DNAJC5B: variants seen among roughly 807,000 people sequenced by gnomAD.
DNAJC5B encodes DnaJ heat shock protein family (Hsp40) member C5 beta, also known as dnaJ homolog subfamily C member 5B.
In DNAJC5B, 23 loss-of-function variants were observed where a neutral mutation model predicts 24.7. The observed-to-expected ratio is 0.93, with a 90% CI of 0.67 to 1.32. DNAJC5B has a LOEUF of 1.32. Among genes scored for constraint, DNAJC5B ranks in the 40% most tolerant of loss-of-function variants. The probability of loss-of-function intolerance (pLI) is 0.00; values close to 1 mark genes in which losing one functional copy is unlikely to be tolerated. For synonymous variants in DNAJC5B, 101 were observed against 90.1 expected (o/e 1.12, Z -0.68); for missense variants, 238 against 240.8 (o/e 0.99, Z 0.08).
intron 3 of DNAJC5B, among the ~76,000 whole-genome samples, chr8:66,052,692 T>C (rs1465230525): frequency 1.3e-5 from 2 of 152,214 alleles, no homozygotes; most frequent in African/African-American, 2.4e-5. Context: ...AATTCCATGA[T>C]GATTTTAATG....
chr8:66,042,478 C>T (rs186542170), intron 1 of DNAJC5B, among the ~76,000 whole-genome samples: 2 of 152,280 alleles, frequency 1.3e-5, no homozygotes, highest in Non-Finnish European at 2.9e-5. Flanking sequence ...TACCCATAAG[C>T]TCACCATATT....
At chr8:66,061,571 T>A (rs561182131) in intron 3 of DNAJC5B, among the ~76,000 whole-genome samples, 2 of 151,130 alleles carry the variant, frequency 1.3e-5, no homozygotes, top group South Asian at 4.2e-4. Context: ...GTTGAGTATG[T>A]GAATGAGAAA....
intron 2 of DNAJC5B, among the ~76,000 whole-genome samples, chr8:66,049,798 C>G (rs1302654986): frequency 1.3e-5 from 2 of 152,164 alleles, no homozygotes; most frequent in East Asian, 3.9e-4. Context: ...GTGAGTGAGT[C>G]ATAGAGCACG....
chr8:66,030,584 T>A (rs746734336), intron 1 of DNAJC5B, among the ~76,000 whole-genome samples: 2 of 152,116 alleles, frequency 1.3e-5, no homozygotes, highest in African/African-American at 2.4e-5. Flanking sequence ...TGGGGAGATC[T>A]CCTTCTCTTC....
chr8:66,085,577 A>AATATAT (rs112577538), intron 5 of DNAJC5B, among the ~76,000 whole-genome samples: 3 of 150,564 alleles, frequency 2.0e-5, no homozygotes, highest in African/African-American at 7.3e-5. Context: ...CATCTCAAAA[A>AATATAT]ATATATATAT....
chr8:66,030,747 G>C (rs1249909089), intron 1 of DNAJC5B, among the ~76,000 whole-genome samples: 1 of 151,966 alleles, frequency 6.6e-6, no homozygotes, highest in African/African-American at 2.4e-5. Flanking sequence ...AGCGTTTCTT[G>C]TGCCTCAGCC....
At chr8:66,024,515 C>T (rs1443699842) in intron 1 of DNAJC5B, among the ~76,000 whole-genome samples, 4 of 122,602 alleles carry the variant, frequency 3.3e-5, no homozygotes, top group South Asian at 5.4e-4. Flanking sequence ...CACGCTGGTG[C>T]GCTGCACCCA....
At chr8:66,099,891 TG>T in intron 5 of DNAJC5B, 45 bp from the exon 6 acceptor site, 1 of 1,552,018 alleles carries the variant, frequency 6.4e-7, no homozygotes, top group Non-Finnish European at 8.8e-7. Context: ...TTAAAAGAAC[TG>T]TAACATGATG....
At chr8:66,083,257 T>G (rs1807643308) in intron 5 of DNAJC5B, among the ~76,000 whole-genome samples, 1 of 152,182 alleles carries the variant, frequency 6.6e-6, no homozygotes, top group African/African-American at 2.4e-5. Flanking sequence ...GTGATCCTCC[T>G]GCCTTGGCCT....
upstream of DNAJC5B, among the ~76,000 whole-genome samples, chr8:66,019,435 A>C (rs1345333657): frequency 1.3e-5 from 2 of 152,222 alleles, no homozygotes; most frequent in African/African-American, 4.8e-5. Flanking sequence ...ATGGCAAAAA[A>C]AGGGATTACT....
chr8:66,088,301 C>G (rs766973022), intron 5 of DNAJC5B, among the ~76,000 whole-genome samples: 23 of 152,314 alleles, frequency 1.5e-4, no homozygotes, highest in Non-Finnish European at 2.5e-4. Context: ...CTGCACAGAG[C>G]AGTGGGGCCC....
At chr8:66,018,441 C>T (rs1454450202), upstream of DNAJC5B, among the ~76,000 whole-genome samples, 2 of 152,086 alleles carry the variant, frequency 1.3e-5, no homozygotes, top group African/African-American at 4.8e-5. Context: ...ATTGCTTGAA[C>T]CCGGGAGACA....
At position 66,100,300 on chromosome 8, in the gene DNAJC5B, T is replaced by C. The variant is rs950774587; in HGVS notation, c.*269T>C. The C allele has an allele frequency of 1.4e-5, 4 of 283,426 alleles. No homozygotes were observed. The highest frequency in any genetic ancestry group is 2.2e-5 in the African/African-American group (1 of 46,432). 17.6% of individuals were successfully genotyped at this position (283,426 alleles called of 1,614,324 possible). ...CTTGCCTGATGTAGGACAGTGGAAT[T>C]GTACAGCCTTTATGAACCTGCCCTT... is the stretch of plus-strand genomic sequence containing the variant. On this transcript the variant is annotated 3_prime_UTR_variant, in exon 6 of 6. Coordinates refer to ENST00000276570, the MANE Select transcript of DNAJC5B (RefSeq NM_033105.6).
intron 1 of DNAJC5B, among the ~76,000 whole-genome samples, chr8:66,028,543 C>T (rs913170302): frequency 2.0e-5 from 3 of 152,166 alleles, no homozygotes; most frequent in Admixed American, 2.0e-4. Flanking sequence ...AACCTGTTCC[C>T]CCTTTGTGAT....
intron 1 of DNAJC5B, among the ~76,000 whole-genome samples, chr8:66,033,349 G>C (rs933838504): frequency 6.6e-6 from 1 of 152,370 alleles, no homozygotes; most frequent in East Asian, 1.9e-4. Flanking sequence ...CCTCTGGTGT[G>C]CATGCTTTGC....
chr8:66,070,352 T>C (rs554564941), intron 3 of DNAJC5B, among the ~76,000 whole-genome samples: 191 of 152,312 alleles, frequency 1.3e-3, no homozygotes, highest in Middle Eastern at 3.4e-3. Context: ...ATAAGCAACT[T>C]CAGCAAAGTC....
At chr8:66,050,930 T>A (rs555989504) in intron 2 of DNAJC5B, among the ~76,000 whole-genome samples, 1 of 152,366 alleles carries the variant, frequency 6.6e-6, no homozygotes, top group Non-Finnish European at 1.5e-5. Context: ...CTAATTAGCA[T>A]ACACAGTAGC....
intron 3 of DNAJC5B, among the ~76,000 whole-genome samples, chr8:66,059,940 G>A (rs1807045209): frequency 6.6e-6 from 1 of 152,206 alleles, no homozygotes; most frequent in African/African-American, 2.4e-5. Flanking sequence ...CGCTCCTTCA[G>A]GCCCAGAAGC....
Position 66,056,197 on chromosome 8 carries a change from A to ACCCAATC in DNAJC5B, c.119+4532_119+4538dup, listed in dbSNP as rs575228553. ...TAACCCAGGCCCAGCTTTTCCCAAT[A>ACCCAATC]CCCAATCTAGCAGAAGAAGGCATCC... On this transcript the variant is annotated intron_variant, in intron 3 of 5. Coordinates refer to ENST00000276570, the MANE Select transcript of DNAJC5B (RefSeq NM_033105.6). Among the ~76,000 whole-genome samples the ACCCAATC allele has an allele frequency of 7.2e-5, 11 of 152,106 alleles. No homozygotes were observed. In the South Asian group the frequency reaches 2.1e-3, roughly 29 times the overall value.
Sources: allele counts gnomAD v4.1 joint callset (sites outside exome capture counted in the v4.1 genomes callset), GRCh38; gene constraint gnomAD v4.1.1; transcripts MANE v1.5; gene names NCBI Gene and HGNC (gene_info 2026-07-23, HGNC 2026-07-21).